The following CFAP299 variants were observed in gnomAD, a reference collection of about 807,000 sequenced individuals.
CFAP299 encodes the protein cilia- and flagella-associated protein 299.
A neutral mutation model predicts 27.0 loss-of-function variants in CFAP299; 21 were observed. The observed-to-expected ratio is 0.78, with a 90% CI of 0.55 to 1.12. CFAP299 has a LOEUF of 1.12. Among genes scored for constraint, CFAP299 ranks in the 50% most tolerant of loss-of-function variants. The pLI, the probability that CFAP299 is intolerant of heterozygous loss-of-function variation, is 0.00. For synonymous variants in CFAP299, 104 were observed against 98.1 expected (o/e 1.06, Z -0.36); for missense variants, 310 against 276.6 (o/e 1.12, Z -0.86).
intron 2 of CFAP299, among the ~76,000 whole-genome samples, chr4:80,494,561 C>G (rs1477796429): frequency 1.3e-5 from 2 of 152,146 alleles, no homozygotes; most frequent in African/African-American, 4.8e-5. Context: ...TTGGTTCTTG[C>G]TCACAACCCT....
At chr4:80,800,640 A>AATATATAATATATTAATATAAATATATG (rs1560419576) in intron 3 of CFAP299, among the ~76,000 whole-genome samples, 4 of 98,592 alleles carry the variant, frequency 4.1e-5, no homozygotes, top group African/African-American at 4.5e-5. Context: ...ATAAATATAT[A>AATATATAATATATTAATATAAATATATG]ATATATTAAT....
At position 80,414,228 on chromosome 4, in the gene CFAP299, G is replaced by A. The variant is rs1165886279; in HGVS notation, c.242+51344G>A. ...TGGGACTACAGGCGCCCGCCACTAC[G>A]CCCGGCTAATTTTTTGTATTTTTAG... is the stretch of plus-strand genomic sequence containing the variant. On this transcript the variant is annotated intron_variant, in intron 2 of 5. Coordinates refer to ENST00000358105, the MANE Select transcript of CFAP299 (RefSeq NM_152770.3). Among the ~76,000 whole-genome samples, 4 of 150,936 alleles carry A rather than the reference G, an allele frequency of 2.7e-5. No homozygotes were observed. The East Asian group carries it at 5.8e-4, about 22-fold the overall frequency.
intron 3 of CFAP299, among the ~76,000 whole-genome samples, chr4:80,587,320 TA>T (rs899469205): frequency 5.9e-5 from 9 of 152,156 alleles, no homozygotes; most frequent in African/African-American, 2.2e-4. Flanking sequence ...TATAGCTGGA[TA>T]GATCTTTAAT....
At chr4:80,680,177 T>C (rs144674607) in intron 3 of CFAP299, among the ~76,000 whole-genome samples, 2,489 of 152,210 alleles carry the variant, frequency 0.016, 33 homozygotes, top group Non-Finnish European at 0.02. Context: ...CTGTCTGTTC[T>C]CTTTCTATCA....
chr4:80,325,919 A>G, the CFAP299 span, among the ~76,000 whole-genome samples: 1 of 152,220 alleles, frequency 6.6e-6, no homozygotes. Context: ...CTGAGTGCAG[A>G]TACAGATTGG....
chr4:80,570,257 C>G (rs889584470), intron 2 of CFAP299, among the ~76,000 whole-genome samples: 7 of 151,816 alleles, frequency 4.6e-5, no homozygotes, highest in Non-Finnish European at 7.4e-5. Flanking sequence ...GGAAAAAAGT[C>G]TATAACAATG....
chr4:80,716,693 A>G (rs1365642364), intron 3 of CFAP299, among the ~76,000 whole-genome samples: 1 of 152,146 alleles, frequency 6.6e-6, no homozygotes, highest in Non-Finnish European at 1.5e-5. Context: ...GAGTGAAATT[A>G]CATGATAAAG....
chr4:80,820,610 T>C (rs527706606), intron 3 of CFAP299, among the ~76,000 whole-genome samples: 31 of 151,808 alleles, frequency 2.0e-4, no homozygotes, highest in Middle Eastern at 6.8e-3. Flanking sequence ...TCAGAGGGGA[T>C]TGTAGTAGTT....
intron 2 of CFAP299, among the ~76,000 whole-genome samples, chr4:80,367,028 A>G (rs562677138): frequency 1.3e-5 from 2 of 152,224 alleles, no homozygotes; most frequent in South Asian, 2.1e-4. Flanking sequence ...AAGTAGATTC[A>G]TGGTTTCCAA....
chr4:80,832,029 A>G (rs1730324335), intron 3 of CFAP299, among the ~76,000 whole-genome samples: 1 of 152,174 alleles, frequency 6.6e-6, no homozygotes, highest in East Asian at 1.9e-4. Flanking sequence ...TAAGGCTTCC[A>G]TAGAAAATAT....
intron 3 of CFAP299, among the ~76,000 whole-genome samples, chr4:80,828,945 A>G (rs940590053): frequency 1.3e-5 from 2 of 152,206 alleles, no homozygotes; most frequent in East Asian, 1.9e-4. Context: ...AAAATTGATC[A>G]AAGACCTAAA....
chr4:80,601,710 C>T (rs1281954708), intron 3 of CFAP299, among the ~76,000 whole-genome samples: 1 of 152,086 alleles, frequency 6.6e-6, no homozygotes, highest in Non-Finnish European at 1.5e-5. Context: ...ATTGCTTGAT[C>T]CGGGTGAGAT....
At chr4:80,687,332 T>A (rs1720270383) in intron 3 of CFAP299, among the ~76,000 whole-genome samples, 1 of 152,196 alleles carries the variant, frequency 6.6e-6, no homozygotes, top group African/African-American at 2.4e-5. Context: ...TTTTATAGTA[T>A]CTCAGAATTT....
At chr4:80,488,670 G>A (rs1028801799) in intron 2 of CFAP299, among the ~76,000 whole-genome samples, 2 of 152,080 alleles carry the variant, frequency 1.3e-5, no homozygotes, top group Non-Finnish European at 2.9e-5. Flanking sequence ...TAGAGACGGG[G>A]TTTCACCGTG....
chr4:80,424,579 C>T (rs1166607989), intron 2 of CFAP299, among the ~76,000 whole-genome samples: 2 of 152,158 alleles, frequency 1.3e-5, no homozygotes, highest in South Asian at 2.1e-4. Context: ...TGTTTCAATA[C>T]ACACAAGTTC....
chr4:80,933,270 T>C (rs893785891), intron 4 of CFAP299, among the ~76,000 whole-genome samples: 1 of 152,022 alleles, frequency 6.6e-6, no homozygotes, highest in Non-Finnish European at 1.5e-5. Flanking sequence ...ACCAATCACG[T>C]ATTCATCCCT....
intron 4 of CFAP299, among the ~76,000 whole-genome samples, chr4:80,879,015 T>A (rs1578207171): frequency 6.6e-6 from 1 of 152,192 alleles, no homozygotes; most frequent in East Asian, 1.9e-4. Context: ...ATAGCTTCCC[T>A]ATCTCATCTC....
intron 1 of CFAP299, among the ~76,000 whole-genome samples, chr4:80,353,153 C>A (rs1264838266): frequency 1.3e-5 from 2 of 152,052 alleles, no homozygotes; most frequent in African/African-American, 2.4e-5. Context: ...TTGACAAACC[C>A]CTTACTAGGC....
At chr4:80,528,842 A>C (rs901946072) in intron 2 of CFAP299, among the ~76,000 whole-genome samples, 2 of 152,126 alleles carry the variant, frequency 1.3e-5, no homozygotes, top group Admixed American at 1.3e-4. Flanking sequence ...CTCAAGAAAG[A>C]GGCCAATATT....
Sources: gnomAD v4.1 joint callset for allele counts (sites outside exome capture counted in the v4.1 genomes callset) on GRCh38, gnomAD v4.1.1 for gene constraint, MANE v1.5 for transcripts, NCBI Gene and HGNC (gene_info 2026-07-23, HGNC 2026-07-21) for gene names.